Variants in CTNNA2 observed in about 807,000 individuals in gnomAD.
CTNNA2 encodes the protein catenin alpha 2.
In CTNNA2, 42 loss-of-function variants were observed where a neutral mutation model predicts 101.0. That is an observed-to-expected ratio of 0.42 (90% CI 0.32 to 0.54). CTNNA2 has a LOEUF of 0.54. Ranked by LOEUF, CTNNA2 falls within the 20% of genes least tolerant of loss-of-function variation. The probability of loss-of-function intolerance (pLI) is 0.14; values close to 1 mark genes in which losing one functional copy is unlikely to be tolerated. For missense variants in CTNNA2, 871 were observed against 1,223.1 expected, an observed-to-expected ratio of 0.71 and a Z score of 4.29; for synonymous variants, 450 against 456.4, an observed-to-expected ratio of 0.99 and a Z score of 0.18.
intron 6 of CTNNA2, among the ~76,000 whole-genome samples, chr2:79,892,675 A>G (rs1433517364): frequency 6.6e-6 from 1 of 152,218 alleles, no homozygotes; most frequent in East Asian, 1.9e-4. Flanking sequence ...AGATCTGCAT[A>G]ATCCATTCAT....
upstream of CTNNA2, among the ~76,000 whole-genome samples, chr2:79,512,432 G>A (rs1165536037): frequency 1.3e-5 from 2 of 151,636 alleles, no homozygotes; most frequent in Admixed American, 1.3e-4. Flanking sequence ...TCTCCCCTCG[G>A]GACTCCACAT....
chr2:79,777,424 G>A (rs1309997812), intron 3 of CTNNA2, among the ~76,000 whole-genome samples: 1 of 149,610 alleles, frequency 6.7e-6, no homozygotes, highest in African/African-American at 2.4e-5. Flanking sequence ...TATGACTAAG[G>A]TACTCTCATC....
At chr2:79,530,099 A>G (rs1672649500) in intron 1 of CTNNA2, among the ~76,000 whole-genome samples, 1 of 152,092 alleles carries the variant, frequency 6.6e-6, no homozygotes, top group Non-Finnish European at 1.5e-5. Flanking sequence ...GTGGGAGGTT[A>G]GCTTTGTTTT....
At chr2:79,271,927 A>T (rs1372274265) in intron 2 of CTNNA2, among the ~76,000 whole-genome samples, 1 of 151,990 alleles carries the variant, frequency 6.6e-6, no homozygotes, top group Non-Finnish European at 1.5e-5. Context: ...ATCGGCCTAG[A>T]TCATATTCTA....
intron 1 of CTNNA2, among the ~76,000 whole-genome samples, chr2:79,571,615 C>G (rs573742072): frequency 6.6e-6 from 1 of 152,218 alleles, no homozygotes; most frequent in South Asian, 2.1e-4. Flanking sequence ...CACACTTTAA[C>G]TAAAATTCCA....
intron 18 of CTNNA2, among the ~76,000 whole-genome samples, chr2:80,621,228 G>A (rs1558651755): frequency 1.3e-5 from 2 of 151,774 alleles, no homozygotes; most frequent in Non-Finnish European, 2.9e-5. Flanking sequence ...ATGCATCCCT[G>A]CTCTAAAAAT....
chr2:79,639,680 A>G (rs1386634708), intron 1 of CTNNA2, among the ~76,000 whole-genome samples: 1 of 152,172 alleles, frequency 6.6e-6, no homozygotes, highest in Non-Finnish European at 1.5e-5. Context: ...GAGGGTTTTC[A>G]ATGCCTTGTT....
At chr2:80,270,304 C>A (rs1214698924) in intron 7 of CTNNA2, among the ~76,000 whole-genome samples, 1 of 152,082 alleles carries the variant, frequency 6.6e-6, no homozygotes, top group Non-Finnish European at 1.5e-5. Flanking sequence ...TTCCCAATTT[C>A]TTTCCAATAT....
chr2:79,736,759 A>G (rs1670904822), intron 2 of CTNNA2, among the ~76,000 whole-genome samples: 2 of 152,176 alleles, frequency 1.3e-5, no homozygotes, highest in East Asian at 3.9e-4. Context: ...ACCTTAGAGC[A>G]ACACAGTAGA....
chr2:80,401,021 C>G (rs1346298287), intron 8 of CTNNA2, among the ~76,000 whole-genome samples: 1 of 152,210 alleles, frequency 6.6e-6, no homozygotes, highest in Non-Finnish European at 1.5e-5. Flanking sequence ...TCTTTTCCTA[C>G]CAGGCTTAGC....
chr2:80,570,748 C>G (rs1190692154), intron 12 of CTNNA2, among the ~76,000 whole-genome samples: 3 of 152,032 alleles, frequency 2.0e-5, no homozygotes, highest in Non-Finnish European at 2.9e-5. Flanking sequence ...TAGTTCTGTT[C>G]CAATCTCTTC....
At chr2:80,536,157 A>C (rs1447717176) in intron 9 of CTNNA2, among the ~76,000 whole-genome samples, 1 of 152,192 alleles carries the variant, frequency 6.6e-6, no homozygotes, top group East Asian at 1.9e-4. Flanking sequence ...AGATAGGCAT[A>C]TATGTTAACA....
At chr2:79,379,970 C>A (rs1678020900) in intron 4 of CTNNA2, among the ~76,000 whole-genome samples, 1 of 152,026 alleles carries the variant, frequency 6.6e-6, no homozygotes, top group African/African-American at 2.4e-5. Flanking sequence ...TTTACAGGTC[C>A]CCAGAACCCC....
chr2:80,351,751 G>T (rs532396384), intron 7 of CTNNA2, among the ~76,000 whole-genome samples: 1 of 152,086 alleles, frequency 6.6e-6, no homozygotes. Flanking sequence ...CAAAACAGGC[G>T]TGATGCTCTG....
At chr2:80,468,369 C>T (rs1039479987) in intron 9 of CTNNA2, among the ~76,000 whole-genome samples, 7 of 152,154 alleles carry the variant, frequency 4.6e-5, no homozygotes, top group African/African-American at 1.7e-4. Context: ...AGTTTGAACA[C>T]AGGCTACAGA....
intron 7 of CTNNA2, among the ~76,000 whole-genome samples, chr2:80,244,284 T>G (rs1321034408): frequency 6.6e-6 from 1 of 152,268 alleles, no homozygotes; most frequent in African/African-American, 2.4e-5. Context: ...GTAGATTGAC[T>G]AACATGTGAT....
chr2:80,431,478 T>C (rs986457168), intron 9 of CTNNA2, among the ~76,000 whole-genome samples: 1 of 152,184 alleles, frequency 6.6e-6, no homozygotes, highest in Non-Finnish European at 1.5e-5. Flanking sequence ...TTTCCCAATT[T>C]CAGATTCTAG....
At chr2:79,282,589 A>T (rs1176375263) in intron 2 of CTNNA2, among the ~76,000 whole-genome samples, 1 of 147,800 alleles carries the variant, frequency 6.8e-6, no homozygotes, top group Non-Finnish European at 1.5e-5. Flanking sequence ...ACATGAACTC[A>T]TCATTTTTTA....
chr2:79,720,988 A>G (rs574380574), intron 2 of CTNNA2, among the ~76,000 whole-genome samples: 1 of 152,232 alleles, frequency 6.6e-6, no homozygotes, highest in African/African-American at 2.4e-5. Flanking sequence ...AACATCATGT[A>G]TAAATTAATA....
Sources: gnomAD v4.1 joint callset for allele counts (sites outside exome capture counted in the v4.1 genomes callset) on GRCh38, gnomAD v4.1.1 for gene constraint, MANE v1.5 for transcripts, NCBI Gene and HGNC (gene_info 2026-07-23, HGNC 2026-07-21) for gene names.